The following SUSD5 variants were observed in gnomAD, a reference collection of about 807,000 sequenced individuals.
SUSD5 encodes the protein sushi domain containing 5.
In SUSD5, 33 loss-of-function variants were observed where a neutral mutation model predicts 29.5. The observed-to-expected ratio is 1.12, with a 90% CI of 0.85 to 1.49. The LOEUF (loss-of-function observed/expected upper bound fraction) is 1.49. Among genes scored for constraint, SUSD5 ranks in the 40% most tolerant of loss-of-function variants. SUSD5 has a pLI of 0.00. For missense variants in SUSD5, 776 were observed against 800.6 expected (o/e 0.97, Z 0.37); for synonymous variants, 308 against 325.3 (o/e 0.95, Z 0.57).
At chr3:33,172,527 T>C (rs1412298069) in intron 4 of SUSD5, among the ~76,000 whole-genome samples, 1 of 152,178 alleles carries the variant, frequency 6.6e-6, no homozygotes, top group African/African-American at 2.4e-5. Context: ...AGGCGACATA[T>C]TGGACCAACA....
intron 3 of SUSD5, among the ~76,000 whole-genome samples, chr3:33,198,342 C>T (rs2032036086): frequency 6.6e-6 from 1 of 152,200 alleles, no homozygotes; most frequent in African/African-American, 2.4e-5. Flanking sequence ...CCCAGGGATT[C>T]TGGGTACAGA....
At chr3:33,207,783 C>T (rs776289647) in intron 3 of SUSD5, 25 bp downstream of exon 3, 22 of 1,537,310 alleles carry the variant, frequency 1.4e-5, no homozygotes, top group Non-Finnish European at 1.5e-5. Flanking sequence ...CCCTCCAGCA[C>T]CTTTAAGAAG....
Position 33,152,382 on chromosome 3 carries a change from T to C in SUSD5, c.*360A>G, listed in dbSNP as rs1198939509. On this transcript the variant is annotated 3_prime_UTR_variant, in exon 5 of 5. Coordinates refer to ENST00000309558, the MANE Select transcript of SUSD5 (RefSeq NM_015551.2). ...TTGCAGTGAGCTCAGATCGGGACAC[T>C]GCACTCCAGCCTGGGCAACAGCATG... The C allele has an allele frequency of 2.0e-5, 4 of 197,700 alleles. No individual in the cohort carries two copies. Among genetic ancestry groups the C allele is most frequent in the Admixed American group, 5.3e-5 (1 of 18,890 alleles). The allele number at this position is 197,700 out of a possible 1,614,324, so 12.2% of individuals were successfully genotyped here.
At chr3:33,200,827 G>A (rs1443044915) in intron 3 of SUSD5, among the ~76,000 whole-genome samples, 1 of 152,158 alleles carries the variant, frequency 6.6e-6, no homozygotes, top group African/African-American at 2.4e-5. Context: ...AATTGTGTTT[G>A]TGTCCTAGGG....
Position 33,190,231 on chromosome 3 carries a change from T to C in SUSD5, c.410-15157A>G, listed in dbSNP as rs1227352263. On this transcript the variant is annotated intron_variant, in intron 3 of 4. Coordinates refer to ENST00000309558, the MANE Select transcript of SUSD5 (RefSeq NM_015551.2). ...TAATAAATAAGCAATGGCCAATTAGTACTCGTTAGCAGCTTTTTTGAGATA... is the reference window on the plus strand; with the variant it reads ...TAATAAATAAGCAATGGCCAATTAGCACTCGTTAGCAGCTTTTTTGAGATA... 4 of 158,338 alleles carry C rather than the reference T, an allele frequency of 2.5e-5. No individual in the cohort carries two copies. In the Admixed American group the frequency reaches 2.6e-4, roughly 10 times the overall value. 9.8% of individuals were successfully genotyped at this position (158,338 alleles called of 1,614,324 possible). A position where few individuals can be genotyped will look rare whatever the true frequency, so the allele number is the denominator to read the frequency against.
At chr3:33,207,664 C>A in intron 3 of SUSD5, 144 bp downstream of exon 3, 3 of 571,284 alleles carry the variant, frequency 5.3e-6, no homozygotes, top group Non-Finnish European at 9.3e-6. Flanking sequence ...CCCCACCGCA[C>A]TATTGGCTTT....
rs753483594 is a variant in SUSD5, at chr3:33,153,563, TG to T, written c.1068del (p.Ser356ArgfsTer8). On this transcript the variant is annotated frameshift_variant, in exon 5 of 5. Transcript: ENST00000309558. LOFTEE classifies it low-confidence loss of function (END_TRUNC). ...CTGCTCACCACTGGATCTCCTGCCT[TG>T]CTGTCATTCTTGCCCACAAATGGCC... is the stretch of plus-strand genomic sequence containing the variant. ...PSGPFVGKND[S>X]KAGDPVVSSS... is the part of the protein sequence containing the mutation. 6.2e-7 allele frequency: 1 copy of T among 1,614,064 alleles called. No individual in the cohort carries two copies. The highest frequency in any genetic ancestry group is 8.5e-7 in the Non-Finnish European group (1 of 1,179,924).
In SUSD5 at chr3:33,174,896, G is replaced by T; in HGVS notation, c.588C>A (p.Ala196=). 6.2e-7 allele frequency: 1 copy of T among 1,613,986 alleles called. No homozygotes were observed. Among genetic ancestry groups the T allele is most frequent in the Non-Finnish European group, 8.5e-7 (1 of 1,179,890 alleles). Residue 196 remains alanine, a synonymous_variant, in exon 4 of 5, where the codon GCC becomes GCA. Coordinates refer to ENST00000309558, the MANE Select transcript of SUSD5 (RefSeq NM_015551.2). The part of the protein sequence containing the change: ...SCGEWYGLVQ[A]CGKDEAEAHI... ...CCCTGGGCTGCTTACCTTTCCCACA[G>T]GCCTGCACCAGGCCGTACCACTCCC...
chr3:33,170,228 C>A (rs775597700), intron 4 of SUSD5, among the ~76,000 whole-genome samples: 5 of 152,140 alleles, frequency 3.3e-5, no homozygotes, highest in Non-Finnish European at 5.9e-5. Context: ...CGCATCAGGA[C>A]TTTTCTGTAA....
At chr3:33,210,629 CA>C (rs2032305800) in intron 2 of SUSD5, among the ~76,000 whole-genome samples, 1 of 152,104 alleles carries the variant, frequency 6.6e-6, no homozygotes, top group Admixed American at 6.6e-5. Context: ...CAAGATGCAC[CA>C]CACATTTAAT....
chr3:33,177,336 C>A (rs1425883964), intron 3 of SUSD5, among the ~76,000 whole-genome samples: 1 of 152,194 alleles, frequency 6.6e-6, no homozygotes, highest in Non-Finnish European at 1.5e-5. Flanking sequence ...TCTTCACAAT[C>A]CATGAACATA....
rs957346456 is a variant in SUSD5 at position 33,204,959 on chromosome 3, CCT to C, written c.409+2847_409+2848del. 2.4e-4 allele frequency among the ~76,000 whole-genome samples: 37 copies of C among 152,050 alleles called. No homozygotes were observed. Among genetic ancestry groups the C allele is most frequent in the African/African-American group, 8.0e-4 (33 of 41,484 alleles). On this transcript the variant is annotated intron_variant, in intron 3 of 4. Transcript: ENST00000309558. The surrounding 1 kb of genome is among the most constrained non-coding windows in gnomAD (Gnocchi z 4.5). ...GCTTTATCATTCTCTTCTCTCTCTTCCTCTCTCCACACCTCTTCCTCTCTCCA... is the reference window on the plus strand; with the variant it reads ...GCTTTATCATTCTCTTCTCTCTCTTCCTCTCCACACCTCTTCCTCTCTCCA...
Position 33,218,733 on chromosome 3 carries a change from G to A in SUSD5, c.65C>T (p.Ala22Val), listed in dbSNP as rs377758874. 32 of 1,356,974 alleles carry A rather than the reference G, an allele frequency of 2.4e-5. No individual in the cohort carries two copies. Among genetic ancestry groups the A allele is most frequent in the Non-Finnish European group, 2.9e-5 (31 of 1,059,870 alleles). 84.1% of individuals were successfully genotyped at this position (1,356,974 alleles called of 1,614,324 possible). A position where few individuals can be genotyped will look rare whatever the true frequency, so the allele number is the denominator to read the frequency against. The change falls in exon 1 of 5, where the codon GCG (alanine) becomes GTG (valine). Residue 22 changes from alanine (A) to valine (V), a missense_variant. Coordinates refer to ENST00000309558, the MANE Select transcript of SUSD5 (RefSeq NM_015551.2). ...CGGCAGACCGAGCAGGAGCAGCGCCGCCGCCCAGAGCCCGGGGAGGCGTCT... is the reference window on the plus strand; with the variant it reads ...CGGCAGACCGAGCAGGAGCAGCGCCACCGCCCAGAGCCCGGGGAGGCGTCT... ...WHRRLPGLWAAALLLLGLPRL... is the reference protein window; with the variant it reads ...WHRRLPGLWAVALLLLGLPRL...
chr3:33,164,169 G>C (rs2031255459), intron 4 of SUSD5, among the ~76,000 whole-genome samples: 1 of 151,778 alleles, frequency 6.6e-6, no homozygotes, highest in South Asian at 2.1e-4. Flanking sequence ...GCAAGACTCT[G>C]TCTCAAAGAA....
rs2030858268 is a variant in SUSD5 at position 33,150,862 on chromosome 3, A to G, written c.*1880T>C. On this transcript the variant is annotated 3_prime_UTR_variant, in exon 5 of 5. Coordinates refer to ENST00000309558, the MANE Select transcript of SUSD5 (RefSeq NM_015551.2). ...GGATTTCCCTCTACCACACAAAAAC[A>G]CTTAGACTGCTATGGTGTCTCAAAA... 6.6e-6 allele frequency: 1 copy of G among 152,226 alleles called. No individual in the cohort carries two copies. Among genetic ancestry groups the G allele is most frequent in the African/African-American group, 2.4e-5 (1 of 41,452 alleles). The allele number at this position is 152,226 out of a possible 1,614,324, so 9.4% of individuals were successfully genotyped here. A position where few individuals can be genotyped will look rare whatever the true frequency, so the allele number is the denominator to read the frequency against.
intron 3 of SUSD5, among the ~76,000 whole-genome samples, chr3:33,176,098 C>T (rs900854710): frequency 4.6e-5 from 7 of 152,174 alleles, no homozygotes; most frequent in Admixed American, 2.6e-4. Context: ...AATCATAATA[C>T]GTAGCCTTTT....
At chr3:33,171,107 C>T (rs1439264110) in intron 4 of SUSD5, among the ~76,000 whole-genome samples, 11 of 152,142 alleles carry the variant, frequency 7.2e-5, no homozygotes, top group Non-Finnish European at 5.9e-5. Flanking sequence ...TTTGGGAGGC[C>T]GAGGTGGGTG....
chr3:33,211,450 G>A (rs2032322451), intron 2 of SUSD5, among the ~76,000 whole-genome samples: 1 of 152,174 alleles, frequency 6.6e-6, no homozygotes, highest in African/African-American at 2.4e-5. Flanking sequence ...TGCATGCACA[G>A]GGCATATTTT....
chr3:33,201,438 G>C (rs1214117336), intron 3 of SUSD5, among the ~76,000 whole-genome samples: 3 of 152,206 alleles, frequency 2.0e-5, no homozygotes, highest in Admixed American at 6.5e-5. Flanking sequence ...CATGGCCCCA[G>C]GCCACAAAGA....
Sources: allele counts gnomAD v4.1 joint callset (sites outside exome capture counted in the v4.1 genomes callset), GRCh38; gene constraint gnomAD v4.1.1; non-coding constraint Gnocchi (gnomAD v3.1); transcripts MANE v1.5; gene names NCBI Gene and HGNC (gene_info 2026-07-23, HGNC 2026-07-21).